ITPR2: variants seen among roughly 807,000 people sequenced by gnomAD.
ITPR2 encodes the protein inositol 1,4,5-trisphosphate receptor type 2, also known as inositol 1,4,5-trisphosphate-gated calcium channel ITPR2.
In ITPR2, 207 loss-of-function variants were observed where a neutral mutation model predicts 317.1. The ratio of observed to expected loss-of-function variants is 0.65; its 90% CI spans 0.58 to 0.73. The LOEUF is 0.73. Ranked by LOEUF, ITPR2 falls within the 30% of genes least tolerant of loss-of-function variation. The pLI, the probability that ITPR2 is intolerant of heterozygous loss-of-function variation, is 0.00. For missense variants in ITPR2, 2,613 were observed against 3,284.0 expected (o/e 0.80, Z 4.99); for synonymous variants, 1,156 against 1,149.1 (o/e 1.01, Z -0.12).
chr12:26,636,920 G>A (rs1946877933), intron 21 of ITPR2, among the ~76,000 whole-genome samples: 1 of 152,116 alleles, frequency 6.6e-6, no homozygotes, highest in Admixed American at 6.6e-5. Context: ...CACCAGGTTG[G>A]TTCACTAACA....
intron 38 of ITPR2, 48 bp downstream of exon 38, chr12:26,495,104 G>C (rs1302030513): frequency 1.1e-6 from 1 of 929,162 alleles, no homozygotes; most frequent in Admixed American, 1.7e-5. Context: ...CTGACATGAA[G>C]ATGTATCATG....
intron 2 of ITPR2, among the ~76,000 whole-genome samples, chr12:26,761,233 T>A (rs1949626959): frequency 6.6e-6 from 1 of 152,228 alleles, no homozygotes; most frequent in South Asian, 2.1e-4. Context: ...GTATCAGCAA[T>A]CCTGCCTGAG....
At chr12:26,347,908 A>G (rs2136553209) in intron 55 of ITPR2, among the ~76,000 whole-genome samples, 1 of 152,374 alleles carries the variant, frequency 6.6e-6, no homozygotes, top group East Asian at 1.9e-4. Flanking sequence ...CCCATGAAAT[A>G]TACTATGTCT....
intron 55 of ITPR2, among the ~76,000 whole-genome samples, chr12:26,382,325 T>C (rs915926798): frequency 6.6e-6 from 1 of 152,180 alleles, no homozygotes; most frequent in African/African-American, 2.4e-5. Context: ...TGCTCCATGT[T>C]AATTCAAATA....
chr12:26,460,127 C>T (rs1941980262), intron 45 of ITPR2, among the ~76,000 whole-genome samples: 1 of 152,166 alleles, frequency 6.6e-6, no homozygotes, highest in Admixed American at 6.5e-5. Flanking sequence ...TTCTCCCTGC[C>T]CCTGGGATAC....
rs530747062 is a variant in ITPR2, at chr12:26,434,181, C to T, written c.6769+2040G>A. On this transcript the variant is annotated intron_variant, in intron 48 of 56. Coordinates refer to ENST00000381340, the MANE Select transcript of ITPR2 (RefSeq NM_002223.4). ...AGTTGCACCAGCAATACCTGGTGAGCTTATTAAAAAATACATATTTTTGGA... is the reference window on the plus strand; with the variant it reads ...AGTTGCACCAGCAATACCTGGTGAGTTTATTAAAAAATACATATTTTTGGA... Among the ~76,000 whole-genome samples, 22 of 152,114 alleles carry T rather than the reference C, an allele frequency of 1.4e-4. 1 individual carries two copies. In the South Asian group the frequency reaches 3.7e-3, roughly 26 times the overall value.
intron 36 of ITPR2, among the ~76,000 whole-genome samples, chr12:26,555,664 G>A (rs930092837): frequency 4.6e-5 from 7 of 152,144 alleles, no homozygotes; most frequent in African/African-American, 1.2e-4. Flanking sequence ...ATCAGTAAAC[G>A]GAAGAGCGGC....
intron 13 of ITPR2, among the ~76,000 whole-genome samples, chr12:26,668,018 T>C (rs116682607): frequency 1.4e-4 from 22 of 152,290 alleles, no homozygotes; most frequent in African/African-American, 5.1e-4. Flanking sequence ...TGCTGAAACC[T>C]TTTTTTGACC....
At chr12:26,374,325 A>G (rs1939277516) in intron 55 of ITPR2, among the ~76,000 whole-genome samples, 1 of 152,232 alleles carries the variant, frequency 6.6e-6, no homozygotes, top group African/African-American at 2.4e-5. Context: ...ATCTGCCTTC[A>G]GCTCTAAACA....
chr12:26,429,771 A>G (rs1941157344), intron 48 of ITPR2, among the ~76,000 whole-genome samples: 2 of 152,274 alleles, frequency 1.3e-5, no homozygotes, highest in Non-Finnish European at 2.9e-5. Flanking sequence ...CAACTCCCCA[A>G]GTCATACAGC....
chr12:26,780,931 C>T (rs2137177583), intron 2 of ITPR2, among the ~76,000 whole-genome samples: 1 of 152,288 alleles, frequency 6.6e-6, no homozygotes, highest in East Asian at 1.9e-4. Context: ...TTCCTCCTAC[C>T]TTTAAGTCAA....
At chr12:26,667,367 G>A (rs1240203586) in intron 13 of ITPR2, among the ~76,000 whole-genome samples, 1 of 152,006 alleles carries the variant, frequency 6.6e-6, no homozygotes, top group Admixed American at 6.6e-5. Context: ...ATACTTCCAG[G>A]GATCATAAAC....
intron 10 of ITPR2, among the ~76,000 whole-genome samples, chr12:26,691,230 G>GA (rs1194165938): frequency 6.6e-6 from 1 of 152,056 alleles, no homozygotes; most frequent in Admixed American, 6.5e-5. Context: ...CCTCAATATA[G>GA]AAAAAAGTCA....
intron 39 of ITPR2, among the ~76,000 whole-genome samples, chr12:26,488,010 T>G (rs554737764): frequency 6.6e-6 from 1 of 152,272 alleles, no homozygotes; most frequent in African/African-American, 2.4e-5. Context: ...TGTGGAAATA[T>G]TCAACCTTGG....
At chr12:26,751,726 C>T (rs11831542) in intron 2 of ITPR2, among the ~76,000 whole-genome samples, 4 of 151,916 alleles carry the variant, frequency 2.6e-5, no homozygotes, top group East Asian at 1.9e-4. Context: ...ATTAGCCAGG[C>T]GTGGTGGTGG....
chr12:26,660,971 A>T (rs1423132492), intron 15 of ITPR2, among the ~76,000 whole-genome samples: 1 of 151,490 alleles, frequency 6.6e-6, no homozygotes, highest in Non-Finnish European at 1.5e-5. Flanking sequence ...CTACATAATA[A>T]TAATAATATA....
At chr12:26,482,372 G>A (rs75330307) in intron 42 of ITPR2, among the ~76,000 whole-genome samples, 4,525 of 152,120 alleles carry the variant, frequency 0.03, 223 homozygotes, top group African/African-American at 0.1. Context: ...GAACTTATTT[G>A]GTTTTAGTAA....
chr12:26,611,175 G>A (rs1187042559), intron 26 of ITPR2, among the ~76,000 whole-genome samples: 1 of 152,214 alleles, frequency 6.6e-6, no homozygotes, highest in African/African-American at 2.4e-5. Context: ...AGGGGAAGAA[G>A]CCACGGGTCC....
chr12:26,809,869 AG>A (rs1380519291), intron 1 of ITPR2, among the ~76,000 whole-genome samples: 4 of 152,336 alleles, frequency 2.6e-5, no homozygotes, highest in African/African-American at 9.6e-5. Context: ...TACAGATTTC[AG>A]CTTTTCTTTT....
Sources: gnomAD v4.1 joint callset for allele counts (sites outside exome capture counted in the v4.1 genomes callset) on GRCh38, gnomAD v4.1.1 for gene constraint, MANE v1.5 for transcripts, NCBI Gene and HGNC (gene_info 2026-07-23, HGNC 2026-07-21) for gene names.